NRG1: variants seen among roughly 807,000 people sequenced by gnomAD.
NRG1 encodes pro-neuregulin-1, membrane-bound isoform.
Under a neutral mutation model 63.8 loss-of-function variants are expected in NRG1, and 18 were observed. The ratio of observed to expected loss-of-function variants is 0.28; its 90% confidence interval spans 0.19 to 0.42. The LOEUF (loss-of-function observed/expected upper bound fraction) is 0.42. NRG1 is among the 10% of genes least tolerant of loss of function. NRG1 has a pLI of 1.00. For synonymous variants in NRG1, 302 were observed against 301.3 expected (o/e 1.00, Z -0.02); for missense variants, 762 against 814.7 (o/e 0.94, Z 0.79).
chr8:32,355,299 A>T (rs1271276268), intron 1 of NRG1, among the ~76,000 whole-genome samples: 1 of 152,022 alleles, frequency 6.6e-6, no homozygotes, highest in Non-Finnish European at 1.5e-5. Flanking sequence ...TCTCTACTAA[A>T]ATACAAAAAA....
intron 1 of NRG1, among the ~76,000 whole-genome samples, chr8:32,507,918 A>C (rs886257277): frequency 6.6e-6 from 1 of 152,074 alleles, no homozygotes; most frequent in African/African-American, 2.4e-5. Context: ...GGCTTGTCTC[A>C]AACTCCTGAC....
At position 32,199,210 on chromosome 8, in the gene NRG1, C is replaced by T. The variant is rs555413709; in HGVS notation, c.38-396618C>T. ...TTCATTTTGTTTTTCATGGCCACATCTTTATCCTCCTTTCTGTGGGGGCCC... is the reference window on the plus strand; with the variant it reads ...TTCATTTTGTTTTTCATGGCCACATTTTTATCCTCCTTTCTGTGGGGGCCC... On this transcript the variant is annotated intron_variant, in intron 1 of 10. Coordinates refer to the NRG1 transcript ENST00000519301. 1.7e-4 allele frequency among the ~76,000 whole-genome samples: 26 copies of T among 151,986 alleles called. No homozygotes were observed. The East Asian group carries it at 4.3e-3, about 25-fold the overall frequency.
At chr8:31,717,891 A>G (rs1304545155) in intron 1 of NRG1, among the ~76,000 whole-genome samples, 1 of 152,184 alleles carries the variant, frequency 6.6e-6, no homozygotes, top group African/African-American at 2.4e-5. Flanking sequence ...GTTGGGAATT[A>G]CCACTCTGGA....
chr8:32,540,227 T>G (rs947032079), intron 1 of NRG1, among the ~76,000 whole-genome samples: 4 of 152,068 alleles, frequency 2.6e-5, no homozygotes, highest in African/African-American at 9.7e-5. Context: ...TAAAAGTTTC[T>G]TAGGGAAGAG....
exon 8 of NRG1, chr8:32,754,398 G>A (rs1278120856): frequency 6.2e-7 from 1 of 1,613,824 alleles, no homozygotes; most frequent in Non-Finnish European, 8.5e-7. Context: ...CCAGAAGAGA[G>A]TGCTGACCAT....
intron 1 of NRG1, among the ~76,000 whole-genome samples, chr8:31,809,371 CGT>C (rs1015506777): frequency 7.2e-6 from 1 of 139,568 alleles, no homozygotes; most frequent in African/African-American, 2.6e-5. Flanking sequence ...TATATATACA[CGT>C]ATATATACGT....
At chr8:32,028,618 C>G (rs967825650) in intron 1 of NRG1, among the ~76,000 whole-genome samples, 1 of 152,048 alleles carries the variant, frequency 6.6e-6, no homozygotes, top group Non-Finnish European at 1.5e-5. Context: ...TGTTAAATGT[C>G]TTGCTAAAAT....
chr8:32,174,253 C>A (rs919175661), intron 1 of NRG1, among the ~76,000 whole-genome samples: 6 of 151,374 alleles, frequency 4.0e-5, no homozygotes, highest in Admixed American at 3.9e-4. Context: ...GGGTACATAA[C>A]AAAATGAAAT....
intron 1 of NRG1, among the ~76,000 whole-genome samples, chr8:32,555,435 T>G (rs772193876): frequency 2.0e-5 from 3 of 152,128 alleles, no homozygotes; most frequent in Non-Finnish European, 4.4e-5. Flanking sequence ...TGAACACAGG[T>G]TTGAGTGACT....
intron 1 of NRG1, among the ~76,000 whole-genome samples, chr8:32,227,176 G>T (rs1383966): frequency 0.74 from 112,919 of 152,092 alleles, 43,023 homozygotes; most frequent in African/African-American, 0.91. Context: ...TCACAGGATT[G>T]TGCTTTCTTC....
intron 1 of NRG1, among the ~76,000 whole-genome samples, chr8:32,061,155 CA>C (rs1298415677): frequency 6.6e-6 from 1 of 151,802 alleles, no homozygotes; most frequent in Non-Finnish European, 1.5e-5. Context: ...GGAGTGAAGG[CA>C]AAAACTTTCC....
At chr8:32,543,286 T>C (rs1832750460), upstream of NRG1, among the ~76,000 whole-genome samples, 1 of 152,172 alleles carries the variant, frequency 6.6e-6, no homozygotes. Flanking sequence ...TGTATACACA[T>C]GTATGTCTAC....
intron 1 of NRG1, among the ~76,000 whole-genome samples, chr8:32,501,436 ATC>A (rs1313425051): frequency 1.3e-5 from 2 of 152,242 alleles, no homozygotes; most frequent in African/African-American, 2.4e-5. Context: ...AAATAAGCTC[ATC>A]TCTCTTTTTA....
chr8:32,752,717 C>A (rs1828971988), intron 7 of NRG1, among the ~76,000 whole-genome samples: 2 of 152,176 alleles, frequency 1.3e-5, no homozygotes, highest in African/African-American at 4.8e-5. Flanking sequence ...GTCATTCTGT[C>A]AGTCTGTCTG....
At chr8:32,119,420 ACCATT>A (rs2131535508) in intron 1 of NRG1, among the ~76,000 whole-genome samples, 1 of 152,198 alleles carries the variant, frequency 6.6e-6, no homozygotes, top group Admixed American at 6.5e-5. Context: ...AGTAGTTTCC[ACCATT>A]CCTGGACCTA....
intron 1 of NRG1, among the ~76,000 whole-genome samples, chr8:32,510,957 T>C (rs2129500619): frequency 8.2e-6 from 1 of 121,968 alleles, no homozygotes; most frequent in South Asian, 2.8e-4. Context: ...TTTCTTTCCT[T>C]TTTTTTTTTT....
At chr8:32,246,793 G>A (rs528748021) in intron 1 of NRG1, among the ~76,000 whole-genome samples, 36 of 152,180 alleles carry the variant, frequency 2.4e-4, no homozygotes, top group African/African-American at 8.4e-4. Flanking sequence ...CAGATAGAAT[G>A]GCGGTTACAG....
chr8:32,109,412 TGTCCAAAACTTTGGTTTTACCA>T (rs1831706189), intron 1 of NRG1, among the ~76,000 whole-genome samples: 1 of 152,216 alleles, frequency 6.6e-6, no homozygotes, highest in African/African-American at 2.4e-5. Context: ...TGAGACCATC[TGTCCAAAACTTTGGTTTTACCA>T]GTAAGCAAAT....
exon 12 of NRG1, chr8:32,767,242 ACTTT>A (rs2129064868): frequency 6.6e-6 from 1 of 152,248 alleles, no homozygotes; most frequent in Non-Finnish European, 1.5e-5. Flanking sequence ...ACCTGCTATC[ACTTT>A]CTTGTTTCAG....
Sources: gnomAD v4.1 joint callset for allele counts (sites outside exome capture counted in the v4.1 genomes callset) on GRCh38, gnomAD v4.1.1 for gene constraint, MANE v1.5 for transcripts, NCBI Gene and HGNC (gene_info 2026-07-23, HGNC 2026-07-21) for gene names.